Variants in SEPTIN6 observed in about 807,000 individuals in gnomAD.
The protein encoded by SEPTIN6 is septin 6.
In SEPTIN6, 8 loss-of-function variants were observed where a neutral mutation model predicts 33.6. The observed-to-expected ratio is 0.24, with a 90% CI of 0.14 to 0.43. The LOEUF is 0.43. Ranked by LOEUF, SEPTIN6 falls within the 20% of genes least tolerant of loss-of-function variation. SEPTIN6 has a pLI of 1.00. For synonymous variants in SEPTIN6, 131 were observed against 140.0 expected (o/e 0.94, Z 0.45); for missense variants, 250 against 340.8 (o/e 0.73, Z 2.10).
At chrX:119,674,175 ATTCT>A (rs2054800404) in intron 2 of SEPTIN6, among the ~76,000 whole-genome samples, 3 of 108,429 alleles carry the variant, frequency 2.8e-5, no homozygotes, top group South Asian at 8.0e-4. Flanking sequence ...ATCTAAGAAG[ATTCT>A]TTTTTTTTTT....
chrX:119,670,328 T>G (rs1206439780), intron 2 of SEPTIN6, among the ~76,000 whole-genome samples: 1 of 108,767 alleles, frequency 9.2e-6, no homozygotes, highest in Non-Finnish European at 1.9e-5. Context: ...GAGGTCCAGG[T>G]GGGCGGATCA....
intron 6 of SEPTIN6, among the ~76,000 whole-genome samples, chrX:119,637,602 CATCCATCCATCCATCT>C (rs2054086242): frequency 9.2e-6 from 1 of 108,584 alleles, no homozygotes; most frequent in Non-Finnish European, 1.9e-5. Context: ...CTCATCCATC[CATCCATCCATCCATCT>C]ATCCATCCAT....
At chrX:119,633,530 A>G (rs749921323) in intron 7 of SEPTIN6, 38 bp from the exon 8 acceptor site, 27 of 1,164,327 alleles carry the variant, frequency 2.3e-5, no homozygotes, top group Non-Finnish European at 3.1e-5. Context: ...TTCCTTTGGA[A>G]TGATTCCTAT....
chrX:119,649,876 C>A lies in SEPTIN6; in HGVS notation c.690+61G>T, dbSNP rs1391734958. ...ACAGAGCAAGACCCTGTCTCTAAAG[C>A]ACATTAAAATAATGATAATCATCAT... On this transcript the variant is annotated intron_variant, in intron 5 of 10. Coordinates refer to ENST00000394610, the MANE Select transcript of SEPTIN6 (RefSeq NM_145799.4). 3 of 1,111,840 alleles carry A rather than the reference C, an allele frequency of 2.7e-6. No homozygotes were observed. In the Admixed American group the frequency reaches 6.6e-5, roughly 25 times the overall value. 91.6% of individuals were successfully genotyped at this position (1,111,840 alleles called of 1,213,427 possible).
chrX:119,658,289 C>A (rs1039467953), intron 3 of SEPTIN6, among the ~76,000 whole-genome samples: 3 of 111,670 alleles, frequency 2.7e-5, no homozygotes, highest in African/African-American at 9.8e-5. Context: ...ACAGACACCG[C>A]ATCGTGATCA....
intron 3 of SEPTIN6, among the ~76,000 whole-genome samples, chrX:119,660,853 A>C (rs773053980): frequency 1.9e-5 from 2 of 106,596 alleles, no homozygotes; most frequent in Non-Finnish European, 3.8e-5. Context: ...CAGCCTGGTC[A>C]ACATGGTGAA....
At chrX:119,646,750 A>G (rs374670261) in intron 5 of SEPTIN6, 14 of 289,088 alleles carry the variant, frequency 4.8e-5, no homozygotes, top group African/African-American at 3.8e-4. Flanking sequence ...TCCTATGACA[A>G]TTGGCTGGGG....
Position 119,619,650 on chromosome X carries a change from C to T in SEPTIN6, c.*443G>A. ...GGGATACAGGAGACCAAGGGGACAG[C>T]TGTGCTGATCGGTGGTTACCCAGCC... On this transcript the variant is annotated 3_prime_UTR_variant, in exon 11 of 11. Transcript: ENST00000394610. 1 of 876,097 alleles carries T rather than the reference C, an allele frequency of 1.1e-6. No homozygotes were observed. The highest frequency in any genetic ancestry group is 2.1e-5 in the African/African-American group (1 of 48,433). 72.2% of individuals were successfully genotyped at this position (876,097 alleles called of 1,213,427 possible). A position where few individuals can be genotyped will look rare whatever the true frequency, so the allele number is the denominator to read the frequency against.
At chrX:119,692,599 C>G (rs890630297) in intron 1 of SEPTIN6, among the ~76,000 whole-genome samples, 10 of 112,707 alleles carry the variant, frequency 8.9e-5, no homozygotes, top group African/African-American at 3.2e-4. Flanking sequence ...TCCCCGCCCC[C>G]CTCGCCACTC....
intron 5 of SEPTIN6, among the ~76,000 whole-genome samples, chrX:119,646,586 A>G: frequency 9.0e-6 from 1 of 111,198 alleles, no homozygotes; most frequent in Non-Finnish European, 1.9e-5. Flanking sequence ...TCAATCTACA[A>G]TAAGGTTTTC....
intron 4 of SEPTIN6, among the ~76,000 whole-genome samples, chrX:119,652,174 T>C (rs2054361957): frequency 8.9e-6 from 1 of 112,222 alleles, no homozygotes; most frequent in East Asian, 2.8e-4. Flanking sequence ...CCCGCCTATC[T>C]TGGCCTCCCA....
Position 119,675,603 on chromosome X carries a change from C to G in SEPTIN6, c.96G>C (p.Leu32=). The change falls in exon 2 of 11, where the codon CTG becomes CTC. Residue 32 remains leucine, a synonymous_variant. Coordinates refer to ENST00000394610, the MANE Select transcript of SEPTIN6 (RefSeq NM_145799.4). The part of the protein sequence containing the change: ...HVGFDSLPDQ[L]VNKSVSQGFC... ...AGCCCTGGCTGACGGACTTATTCAC[C>G]AGCTGGTCAGGCAAGCTGTCAAACC... 8.5e-7 allele frequency: 1 copy of G among 1,170,573 alleles called. No individual in the cohort carries two copies. The highest frequency in any genetic ancestry group is 1.9e-5 in the South Asian group (1 of 51,545).
intron 3 of SEPTIN6, among the ~76,000 whole-genome samples, chrX:119,662,388 G>A (rs144133268): frequency 1.8e-5 from 2 of 111,597 alleles, no homozygotes; most frequent in African/African-American, 6.5e-5. Flanking sequence ...TTCTCTTACG[G>A]AATGCCATCA....
rs914019924 is a variant in SEPTIN6, at chrX:119,662,020, G to T, written c.341+1462C>A. Among the ~76,000 whole-genome samples the T allele has an allele frequency of 3.6e-5, 4 of 111,819 alleles. No individual in the cohort carries two copies. The Admixed American group carries it at 3.8e-4, about 11-fold the overall frequency. Reference sequence around the variant, plus strand: ...CCCAAAGTGCTGGGATTACAGGCGTGAGCCACCTTGCCTGGCCCCCCAACA... The same window carrying T: ...CCCAAAGTGCTGGGATTACAGGCGTTAGCCACCTTGCCTGGCCCCCCAACA... On this transcript the variant is annotated intron_variant, in intron 3 of 10. Coordinates refer to ENST00000394610, the MANE Select transcript of SEPTIN6 (RefSeq NM_145799.4).
At chrX:119,686,742 C>A in intron 1 of SEPTIN6, 1 of 378,473 alleles carries the variant, frequency 2.6e-6, no homozygotes, top group Non-Finnish European at 4.2e-6. Context: ...CTGGTGGCTC[C>A]AAGATTTTTA....
At chrX:119,634,053 G>A (rs1457692419) in intron 7 of SEPTIN6, among the ~76,000 whole-genome samples, 1 of 111,763 alleles carries the variant, frequency 8.9e-6, no homozygotes, top group African/African-American at 3.3e-5. Context: ...GATGCCCCTG[G>A]CCTAAGCTTA....
intron 4 of SEPTIN6, 73 bp from the exon 5 acceptor site, chrX:119,650,171 C>T: frequency 1.9e-6 from 2 of 1,055,688 alleles, no homozygotes; most frequent in Non-Finnish European, 2.6e-6. Flanking sequence ...CTAGGACTTC[C>T]ACCAGCTGCC....
chrX:119,665,627 G>A (rs148800347), intron 2 of SEPTIN6, among the ~76,000 whole-genome samples: 2,078 of 111,120 alleles, frequency 0.019, 27 homozygotes, highest in Middle Eastern at 0.032. Context: ...TCAGGGAATG[G>A]GACATCACAA....
intron 2 of SEPTIN6, among the ~76,000 whole-genome samples, chrX:119,665,318 G>A (rs1458795959): frequency 1.8e-5 from 2 of 110,681 alleles, no homozygotes; most frequent in Middle Eastern, 4.7e-3. Context: ...TGGCTAGGCT[G>A]GCCTCAAACT....
Sources: allele counts gnomAD v4.1 joint callset (sites outside exome capture counted in the v4.1 genomes callset), GRCh38; gene constraint gnomAD v4.1.1; transcripts MANE v1.5; gene names NCBI Gene and HGNC (gene_info 2026-07-23, HGNC 2026-07-21).